The following GPC6 variants were observed in gnomAD, a reference collection of about 807,000 sequenced individuals.
GPC6 encodes the protein glypican 6.
In GPC6, 14 loss-of-function variants were observed where a neutral mutation model predicts 55.2. That is an observed-to-expected ratio of 0.25 (90% CI 0.17 to 0.40). The LOEUF (loss-of-function observed/expected upper bound fraction) is 0.40. GPC6 is among the 10% of genes least tolerant of loss of function. The probability of loss-of-function intolerance (pLI) is 1.00; values close to 1 mark genes in which losing one functional copy is unlikely to be tolerated. For missense variants in GPC6, 641 were observed against 708.5 expected, an observed-to-expected ratio of 0.90 and a Z score of 1.08; for synonymous variants, 278 against 259.6, an observed-to-expected ratio of 1.07 and a Z score of -0.68.
chr13:94,398,409 G>T, intron 7 of GPC6, 57 bp from the exon 8 acceptor site: 2 of 1,299,284 alleles, frequency 1.5e-6, no homozygotes, highest in South Asian at 2.4e-5. Context: ...GGCAGCATCT[G>T]GTTTTACAGT....
intron 4 of GPC6, among the ~76,000 whole-genome samples, chr13:94,223,104 C>T (rs1218543821): frequency 1.3e-5 from 2 of 152,066 alleles, no homozygotes; most frequent in Non-Finnish European, 2.9e-5. Context: ...TTAAAAATGA[C>T]CACAAAGCTA....
At chr13:93,904,765 C>T (rs1370901834) in intron 3 of GPC6, among the ~76,000 whole-genome samples, 1 of 151,882 alleles carries the variant, frequency 6.6e-6, no homozygotes, top group African/African-American at 2.4e-5. Flanking sequence ...AATGTGATCT[C>T]TACTTTTTTT....
intron 4 of GPC6, among the ~76,000 whole-genome samples, chr13:94,161,767 G>A (rs371759640): frequency 6.6e-6 from 1 of 152,128 alleles, no homozygotes; most frequent in Non-Finnish European, 1.5e-5. Context: ...TTTCATAATT[G>A]TATTAGTCCA....
intron 2 of GPC6, among the ~76,000 whole-genome samples, chr13:93,623,007 AG>A (rs1401194900): frequency 6.6e-6 from 1 of 152,296 alleles, no homozygotes; most frequent in African/African-American, 2.4e-5. Context: ...GACATCATGT[AG>A]TATTTGTCTT....
At chr13:93,487,056 C>G (rs955508959) in intron 1 of GPC6, among the ~76,000 whole-genome samples, 2 of 152,086 alleles carry the variant, frequency 1.3e-5, no homozygotes, top group Non-Finnish European at 2.9e-5. Flanking sequence ...CACACACTTA[C>G]AGCAGGGCTG....
At chr13:93,411,758 T>C (rs1185991331) in intron 1 of GPC6, among the ~76,000 whole-genome samples, 1 of 152,068 alleles carries the variant, frequency 6.6e-6, no homozygotes, top group African/African-American at 2.4e-5. Context: ...CTCAGCACTT[T>C]GGGAGGTCGA....
intron 2 of GPC6, among the ~76,000 whole-genome samples, chr13:93,773,087 G>T (rs4238307): frequency 0.96 from 146,450 of 152,194 alleles, 70,494 homozygotes; most frequent in African/African-American, 0.98. Context: ...CTTCTGTTAA[G>T]AATTCAGCAA....
chr13:93,669,907 C>T (rs567249700), intron 2 of GPC6, among the ~76,000 whole-genome samples: 1 of 152,062 alleles, frequency 6.6e-6, no homozygotes, highest in Admixed American at 6.5e-5. Flanking sequence ...GTAAGAGATG[C>T]CTACCTACTT....
intron 1 of GPC6, among the ~76,000 whole-genome samples, chr13:93,526,003 T>G (rs1414183276): frequency 6.6e-6 from 1 of 152,098 alleles, no homozygotes; most frequent in Non-Finnish European, 1.5e-5. Context: ...TTGTTTAACC[T>G]TGACAATTAT....
At chr13:94,127,324 G>A (rs964027508) in intron 4 of GPC6, among the ~76,000 whole-genome samples, 8 of 152,056 alleles carry the variant, frequency 5.3e-5, no homozygotes, top group African/African-American at 1.9e-4. Context: ...ATCCCTCATG[G>A]CTTGGTGCTG....
chr13:93,372,932 G>A (rs1403209004), intron 1 of GPC6, among the ~76,000 whole-genome samples: 2 of 152,144 alleles, frequency 1.3e-5, no homozygotes, highest in Admixed American at 6.5e-5. Flanking sequence ...AGACAGATGG[G>A]TGACTATAAA....
At chr13:94,191,667 A>G (rs1417790331) in intron 4 of GPC6, among the ~76,000 whole-genome samples, 1 of 151,786 alleles carries the variant, frequency 6.6e-6, no homozygotes, top group Non-Finnish European at 1.5e-5. Context: ...AAAAATTGAG[A>G]CTTATCTTTC....
chr13:93,811,845 A>T (rs569488173), intron 2 of GPC6, among the ~76,000 whole-genome samples: 15 of 152,244 alleles, frequency 9.9e-5, no homozygotes, highest in African/African-American at 3.6e-4. Context: ...AAAATGTGAA[A>T]ATAAAGCTGC....
At chr13:94,101,194 A>G (rs1302151091) in intron 4 of GPC6, among the ~76,000 whole-genome samples, 3 of 152,228 alleles carry the variant, frequency 2.0e-5, no homozygotes, top group African/African-American at 7.2e-5. Context: ...ATTTGTTCTC[A>G]GTTCAAGGTT....
chr13:93,827,920 C>T (rs967834765), intron 2 of GPC6, among the ~76,000 whole-genome samples: 2 of 151,752 alleles, frequency 1.3e-5, no homozygotes, highest in African/African-American at 4.8e-5. Context: ...GAGGTGTTAC[C>T]CTCAGTAAAA....
intron 3 of GPC6, among the ~76,000 whole-genome samples, chr13:93,890,893 A>G (rs903400306): frequency 1.5e-4 from 23 of 151,950 alleles, no homozygotes; most frequent in African/African-American, 4.1e-4. Context: ...TAACCAGAAA[A>G]AATAAAATAA....
At chr13:93,807,526 G>A (rs2138946302) in intron 2 of GPC6, among the ~76,000 whole-genome samples, 1 of 152,304 alleles carries the variant, frequency 6.6e-6, no homozygotes, top group African/African-American at 2.4e-5. Flanking sequence ...CTGAACTGGA[G>A]TTACTGATTC....
At chr13:93,643,548 G>C (rs1210485992) in intron 2 of GPC6, among the ~76,000 whole-genome samples, 1 of 152,084 alleles carries the variant, frequency 6.6e-6, no homozygotes, top group African/African-American at 2.4e-5. Flanking sequence ...AGGAAAGTAA[G>C]AGCTATTTTA....
At chr13:93,730,938 T>C (rs764421442) in intron 2 of GPC6, among the ~76,000 whole-genome samples, 5 of 152,076 alleles carry the variant, frequency 3.3e-5, no homozygotes, top group Admixed American at 6.6e-5. Context: ...GAATGTGCAA[T>C]TTGTGGTAAA....
Sources: gnomAD v4.1 joint callset for allele counts (sites outside exome capture counted in the v4.1 genomes callset) on GRCh38, gnomAD v4.1.1 for gene constraint, MANE v1.5 for transcripts, NCBI Gene and HGNC (gene_info 2026-07-23, HGNC 2026-07-21) for gene names.